Variants in THSD4 observed in about 807,000 individuals in gnomAD.
The protein encoded by THSD4 is thrombospondin type 1 domain containing 4, also known as thrombospondin type-1 domain-containing protein 4.
Under a neutral mutation model 119.0 loss-of-function variants are expected in THSD4, and 69 were observed. The observed-to-expected ratio is 0.58, with a 90% CI of 0.48 to 0.71. The LOEUF is 0.71. THSD4 is among the 30% of genes least tolerant of loss of function. The pLI is 0.00. For synonymous variants in THSD4, 524 were observed against 540.4 expected, an observed-to-expected ratio of 0.97 and a Z score of 0.42; for missense variants, 1,393 against 1,391.1, an observed-to-expected ratio of 1.00 and a Z score of -0.02.
chr15:71,183,193 G>A (rs1157870597), intron 3 of THSD4: 1 of 151,838 alleles, frequency 6.6e-6, no homozygotes, highest in Non-Finnish European at 1.5e-5. Context: ...AGGCAAGAGA[G>A]TGCTTGTGGA....
At chr15:71,542,860 G>C (rs1441681398) in intron 7 of THSD4, among the ~76,000 whole-genome samples, 3 of 148,186 alleles carry the variant, frequency 2.0e-5, no homozygotes, top group African/African-American at 5.0e-5. Context: ...CTGGGCAACA[G>C]AGCAAGACTC....
At chr15:71,653,720 C>T (rs2051136823) in intron 7 of THSD4, among the ~76,000 whole-genome samples, 1 of 152,150 alleles carries the variant, frequency 6.6e-6, no homozygotes, top group South Asian at 2.1e-4. Context: ...CATAGTGGAG[C>T]TTTGGATTTC....
intron 7 of THSD4, among the ~76,000 whole-genome samples, chr15:71,580,764 C>T (rs941087829): frequency 1.3e-5 from 2 of 152,112 alleles, no homozygotes; most frequent in Non-Finnish European, 2.9e-5. Flanking sequence ...GTATCTGACT[C>T]ATTTCACTTA....
At chr15:71,259,027 C>A (rs750818651) in intron 6 of THSD4, among the ~76,000 whole-genome samples, 25 of 151,884 alleles carry the variant, frequency 1.6e-4, no homozygotes, top group Non-Finnish European at 2.9e-4. Context: ...GCAGGAGAAT[C>A]GCTTGAACCT....
chr15:71,631,474 T>C (rs1023056786), intron 7 of THSD4, among the ~76,000 whole-genome samples: 1 of 152,188 alleles, frequency 6.6e-6, no homozygotes, highest in African/African-American at 2.4e-5. Flanking sequence ...TAGTGGTTAG[T>C]AGAACTCTTA....
At chr15:71,133,006 C>T (rs555633955) in intron 1 of THSD4, among the ~76,000 whole-genome samples, 3 of 152,358 alleles carry the variant, frequency 2.0e-5, no homozygotes, top group Non-Finnish European at 4.4e-5. Flanking sequence ...GATGGGTCAT[C>T]ATCTCGGAGA....
In THSD4 at chr15:71,130,235, G is replaced by A. The variant is rs193147076; in HGVS notation, c.-79-11214G>A. 3.9e-5 allele frequency among the ~76,000 whole-genome samples: 6 copies of A among 152,194 alleles called. No homozygotes were observed. In the East Asian group the frequency reaches 5.8e-4, roughly 15 times the overall value. On this transcript the variant is annotated intron_variant, in intron 1 of 17. Transcript: ENST00000261862. The stretch of plus-strand genomic sequence containing the variant: ...GAGTCTTTCTCTGTTGACCAGGCTC[G>A]AGTGCAGTGGCATAGTCTCGGTTCA...
chr15:71,589,412 G>A (rs1377566029), intron 7 of THSD4, among the ~76,000 whole-genome samples: 3 of 138,202 alleles, frequency 2.2e-5, no homozygotes, highest in East Asian at 2.1e-4. Context: ...CTGGAGTGCA[G>A]GAGCACAATA....
intron 7 of THSD4, among the ~76,000 whole-genome samples, chr15:71,503,771 G>GC (rs1375757351): frequency 6.6e-6 from 1 of 152,148 alleles, no homozygotes; most frequent in Non-Finnish European, 1.5e-5. Context: ...AGGGTTGTTG[G>GC]CCTAATGTAT....
intron 7 of THSD4, among the ~76,000 whole-genome samples, chr15:71,423,721 C>T (rs746489388): frequency 1.3e-5 from 2 of 152,182 alleles, no homozygotes; most frequent in Admixed American, 6.5e-5. Context: ...AGTCCACTAG[C>T]TCCAAGCCTA....
intron 7 of THSD4, among the ~76,000 whole-genome samples, chr15:71,634,548 C>T (rs552113594): frequency 6.6e-6 from 1 of 152,182 alleles, no homozygotes; most frequent in Non-Finnish European, 1.5e-5. Context: ...ATTCTTAAAT[C>T]CCCATAAGAT....
intron 7 of THSD4, among the ~76,000 whole-genome samples, chr15:71,631,149 G>A (rs117655133): frequency 0.047 from 7,094 of 152,280 alleles, 220 homozygotes; most frequent in East Asian, 0.12. Flanking sequence ...CCAGAGTCAT[G>A]GGCACACAGT....
chr15:71,739,468 C>T (rs1400510499), intron 11 of THSD4, among the ~76,000 whole-genome samples: 3 of 152,140 alleles, frequency 2.0e-5, no homozygotes, highest in Admixed American at 2.0e-4. Flanking sequence ...ATGAAGTGGA[C>T]CCAGGGTCCC....
chr15:71,525,646 A>T (rs1255151726), intron 7 of THSD4, among the ~76,000 whole-genome samples: 1 of 152,248 alleles, frequency 6.6e-6, no homozygotes, highest in Non-Finnish European at 1.5e-5. Flanking sequence ...GACTTTTGTT[A>T]TGGTCCATGG....
Position 71,515,303 on chromosome 15 carries a change from T to C in THSD4, c.1152+103480T>C, listed in dbSNP as rs541973364. Among the ~76,000 whole-genome samples the C allele has an allele frequency of 3.3e-5, 5 of 152,332 alleles. No homozygotes were observed. In the East Asian group the frequency reaches 9.6e-4, roughly 29 times the overall value. On this transcript the variant is annotated intron_variant, in intron 7 of 17. Transcript: ENST00000261862. Reference sequence around the variant, plus strand: ...CTCCATCTCCCAAGCAATGGCTGAATTCCCTTTTGGATTCTGCTAGTTTGA... The same window carrying C: ...CTCCATCTCCCAAGCAATGGCTGAACTCCCTTTTGGATTCTGCTAGTTTGA...
intron 7 of THSD4, among the ~76,000 whole-genome samples, chr15:71,497,636 T>C (rs1005802171): frequency 6.6e-6 from 1 of 152,122 alleles, no homozygotes; most frequent in Non-Finnish European, 1.5e-5. Context: ...AGGAGTCCTG[T>C]CTACAGAGAT....
intron 1 of THSD4, among the ~76,000 whole-genome samples, chr15:71,098,189 CTTTTTTTT>C (rs55726832): frequency 1.4e-3 from 113 of 83,268 alleles, no homozygotes; most frequent in Non-Finnish European, 1.8e-3. Flanking sequence ...AATTCTTTCA[CTTTTTTTT>C]TTTTTTTTTT....
At chr15:71,636,898 T>G (rs998950672) in intron 7 of THSD4, among the ~76,000 whole-genome samples, 3 of 152,044 alleles carry the variant, frequency 2.0e-5, no homozygotes, top group African/African-American at 7.2e-5. Flanking sequence ...TCTTTTTTTT[T>G]TTTTGAGACA....
intron 7 of THSD4, among the ~76,000 whole-genome samples, chr15:71,544,047 AAG>A (rs1409605512): frequency 1.3e-5 from 2 of 152,128 alleles, no homozygotes; most frequent in African/African-American, 2.4e-5. Context: ...AAAATAAAAA[AAG>A]AGTCATGGAT....
Sources: gnomAD v4.1 joint callset for allele counts (sites outside exome capture counted in the v4.1 genomes callset) on GRCh38, gnomAD v4.1.1 for gene constraint, MANE v1.5 for transcripts, NCBI Gene and HGNC (gene_info 2026-07-23, HGNC 2026-07-21) for gene names.